Variants in SLC4A4 observed in about 807,000 individuals in gnomAD.
SLC4A4 encodes the protein solute carrier family 4 member 4, also known as electrogenic sodium bicarbonate cotransporter 1.
SLC4A4 carries 27 observed loss-of-function variants against 111.5 expected under a neutral mutation model. The ratio of observed to expected loss-of-function variants is 0.24; its 90% CI spans 0.18 to 0.33. The LOEUF (loss-of-function observed/expected upper bound fraction) is 0.33, where lower values mean the gene tolerates loss of function less well. Ranked by LOEUF, SLC4A4 falls within the 10% of genes least tolerant of loss-of-function variation. The pLI, the probability that SLC4A4 is intolerant of heterozygous loss-of-function variation, is 1.00. For missense variants in SLC4A4, 909 were observed against 1,315.5 expected, an observed-to-expected ratio of 0.69 and a Z score of 4.78; for synonymous variants, 443 against 463.4, an observed-to-expected ratio of 0.96 and a Z score of 0.57.
intron 14 of SLC4A4, among the ~76,000 whole-genome samples, chr4:71,481,650 G>A (rs1183415984): frequency 6.6e-6 from 1 of 151,678 alleles, no homozygotes; most frequent in Non-Finnish European, 1.5e-5. Flanking sequence ...ACTGCTCAAG[G>A]TCATCGCCAA....
At chr4:71,190,011 C>T (rs1055073136) in intron 1 of SLC4A4, among the ~76,000 whole-genome samples, 1 of 152,126 alleles carries the variant, frequency 6.6e-6, no homozygotes, top group African/African-American at 2.4e-5. Flanking sequence ...TCAGTTGATG[C>T]TGTTTCCAAG....
chr4:71,322,370 T>C (rs981173169), intron 3 of SLC4A4, among the ~76,000 whole-genome samples: 3 of 151,990 alleles, frequency 2.0e-5, no homozygotes, highest in Non-Finnish European at 4.4e-5. Flanking sequence ...AGAGAGTCTA[T>C]AGGAAGGAGA....
intron 8 of SLC4A4, among the ~76,000 whole-genome samples, chr4:71,442,395 G>T (rs1446075215): frequency 6.6e-6 from 1 of 152,088 alleles, no homozygotes. Context: ...CTATTTCAGG[G>T]CAATAATCTG....
chr4:71,474,068 G>A (rs976367373), intron 14 of SLC4A4, among the ~76,000 whole-genome samples: 4 of 150,146 alleles, frequency 2.7e-5, no homozygotes, highest in African/African-American at 4.9e-5. Flanking sequence ...GGGTGTGGTG[G>A]CACGTACCTG....
intron 6 of SLC4A4, among the ~76,000 whole-genome samples, chr4:71,388,099 T>C (rs528111243): frequency 3.2e-4 from 49 of 152,364 alleles, no homozygotes; most frequent in Non-Finnish European, 6.2e-4. Context: ...AGGTTTTCCC[T>C]CTTAGCCTTT....
At chr4:71,543,557 C>CT (rs1276832268) in intron 18 of SLC4A4, among the ~76,000 whole-genome samples, 1 of 152,004 alleles carries the variant, frequency 6.6e-6, no homozygotes, top group Non-Finnish European at 1.5e-5. Flanking sequence ...TCATATGGGC[C>CT]TTTTTGCTAG....
rs77123271 is a variant in SLC4A4 at position 71,147,957 on chromosome 4, C to T, written c.-2+55165C>T. 7.2e-5 allele frequency among the ~76,000 whole-genome samples: 11 copies of T among 152,276 alleles called. No individual in the cohort carries two copies. The East Asian group carries it at 2.1e-3, about 29-fold the overall frequency. On this transcript the variant is annotated intron_variant, in intron 2 of 26. Coordinates refer to the SLC4A4 transcript ENST00000649996. ...GGTTTCAAGAAAGTCCTGGGCCTGA[C>T]CAGTGAGCAAGATTTAGTGTTTTCT...
intron 15 of SLC4A4, among the ~76,000 whole-genome samples, chr4:71,489,413 G>GC (rs1455943796): frequency 6.6e-6 from 1 of 151,558 alleles, no homozygotes; most frequent in Non-Finnish European, 1.5e-5. Context: ...ATAAGCTGTG[G>GC]AACCTTCTTA....
chr4:71,435,890 T>C (rs951451208), intron 7 of SLC4A4, among the ~76,000 whole-genome samples: 4 of 152,132 alleles, frequency 2.6e-5, no homozygotes, highest in Non-Finnish European at 5.9e-5. Flanking sequence ...ATGGCGATCA[T>C]TAAAAAGTCA....
At chr4:71,484,751 A>G (rs970992387) in intron 14 of SLC4A4, among the ~76,000 whole-genome samples, 3 of 151,796 alleles carry the variant, frequency 2.0e-5, no homozygotes, top group African/African-American at 7.2e-5. Context: ...TTTGGGCATT[A>G]TGGCCATTTT....
chr4:71,157,547 C>A (rs1393858095), intron 2 of SLC4A4, among the ~76,000 whole-genome samples: 1 of 151,500 alleles, frequency 6.6e-6, no homozygotes, highest in Non-Finnish European at 1.5e-5. Context: ...TGGCTTTGCA[C>A]TTACTATTTT....
Position 71,440,769 on chromosome 4 carries a change from A to G in SLC4A4, c.961A>G (p.Thr321Ala), listed in dbSNP as rs763401489. 1 of 1,614,046 alleles carries G rather than the reference A, an allele frequency of 6.2e-7. No homozygotes were observed. Among genetic ancestry groups the G allele is most frequent in the Non-Finnish European group, 8.5e-7 (1 of 1,179,992 alleles). ...TGCCCTGACTGAAGTTCCTGTGCCC[A>G]CAAGGTAAGCTGCTCTCCTACCTGG... ...LGALTEVPVP[T>A]RFLFILLGPK... Residue 321 changes from threonine to alanine, a missense_variant, in exon 8 of 26, where the codon ACA becomes GCA. By Grantham distance (58) the Thr-to-Ala change is moderately conservative (BLOSUM62 0). Coordinates refer to ENST00000264485, the MANE Select transcript of SLC4A4 (RefSeq NM_001098484.3).
At chr4:71,532,283 A>AT (rs1213109498) in intron 17 of SLC4A4, 108 bp downstream of exon 17, 31 of 766,416 alleles carry the variant, frequency 4.0e-5, no homozygotes, top group Non-Finnish European at 5.3e-5. Context: ...AATTATCCAT[A>AT]TTTTTTTTCC....
intron 7 of SLC4A4, among the ~76,000 whole-genome samples, chr4:71,413,282 G>A (rs556931669): frequency 1.3e-5 from 2 of 152,300 alleles, no homozygotes; most frequent in South Asian, 4.1e-4. Flanking sequence ...ATGTTCCCTT[G>A]TATATCTCAG....
intron 2 of SLC4A4, among the ~76,000 whole-genome samples, chr4:71,100,137 A>T (rs899606297): frequency 1.3e-5 from 2 of 152,198 alleles, no homozygotes; most frequent in Non-Finnish European, 2.9e-5. Context: ...AAAATCTGTC[A>T]TAGATGCAAC....
At chr4:71,316,508 T>C (rs988301731) in intron 3 of SLC4A4, among the ~76,000 whole-genome samples, 1 of 152,140 alleles carries the variant, frequency 6.6e-6, no homozygotes, top group Non-Finnish European at 1.5e-5. Flanking sequence ...AAAAACAGAA[T>C]TCACATGTGG....
intron 3 of SLC4A4, among the ~76,000 whole-genome samples, chr4:71,332,086 G>T (rs976131087): frequency 6.6e-6 from 1 of 151,988 alleles, no homozygotes; most frequent in Non-Finnish European, 1.5e-5. Flanking sequence ...TAGGCTAAAG[G>T]TTTGTCATTT....
At chr4:71,477,733 TC>T (rs1240864022) in intron 14 of SLC4A4, among the ~76,000 whole-genome samples, 2 of 151,754 alleles carry the variant, frequency 1.3e-5, no homozygotes, top group Non-Finnish European at 1.5e-5. Context: ...AACATGGGCA[TC>T]CCCCCAACTT....
chr4:71,234,452 G>C (rs1382975332), intron 1 of SLC4A4, among the ~76,000 whole-genome samples: 1 of 152,172 alleles, frequency 6.6e-6, no homozygotes, highest in Non-Finnish European at 1.5e-5. Context: ...TTGAGACGGA[G>C]TCTCACTCTT....
Sources: gnomAD v4.1 joint callset for allele counts (sites outside exome capture counted in the v4.1 genomes callset) on GRCh38, gnomAD v4.1.1 for gene constraint, MANE v1.5 for transcripts, NCBI Gene and HGNC (gene_info 2026-07-23, HGNC 2026-07-21) for gene names.